LGALS12: variants seen among roughly 807,000 people sequenced by gnomAD.
The protein encoded by LGALS12 is galectin 12.
Under a neutral mutation model 36.8 loss-of-function variants are expected in LGALS12, and 36 were observed. The ratio of observed to expected loss-of-function variants is 0.98; its 90% confidence interval spans 0.75 to 1.29. LGALS12 has a LOEUF of 1.29. Ranked by LOEUF, LGALS12 falls within the 50% of genes most tolerant of loss-of-function variation. The pLI, the probability that LGALS12 is intolerant of heterozygous loss-of-function variation, is 0.00. For synonymous variants in LGALS12, 145 were observed against 155.9 expected, an observed-to-expected ratio of 0.93 and a Z score of 0.52; for missense variants, 366 against 394.3, an observed-to-expected ratio of 0.93 and a Z score of 0.61.
At chr11:63,511,717 A>G in intron 6 of LGALS12, 35 bp from the exon 7 acceptor site, 1 of 1,509,946 alleles carries the variant, frequency 6.6e-7, no homozygotes, top group South Asian at 1.1e-5. Flanking sequence ...GTCCCCCTGG[A>G]AGTCAACTTC....
At chr11:63,510,974 G>C (rs2016901142) in intron 5 of LGALS12, 105 bp from the exon 6 acceptor site, 1 of 1,182,800 alleles carries the variant, frequency 8.5e-7, no homozygotes, top group Non-Finnish European at 1.3e-6. Context: ...ACTGCTGTGA[G>C]AGAGACAAGC....
rs1210270832 is a variant in LGALS12 at position 63,511,241 on chromosome 11, G to A, written c.558+136G>A. ...TTATAGAAAACTGCAGGCTGTGGGTGGGCCAGGCAGCTTATGCCCCCAGCC... is the reference window on the plus strand; with the variant it reads ...TTATAGAAAACTGCAGGCTGTGGGTAGGCCAGGCAGCTTATGCCCCCAGCC... On this transcript the variant is annotated intron_variant, in intron 6 of 8. Transcript: ENST00000394618. The A allele has an allele frequency of 4.6e-6, 3 of 648,792 alleles. 1 individual carries two copies. Among genetic ancestry groups the A allele is most frequent in the Middle Eastern group, 6.9e-4 (2 of 2,910 alleles). The allele number at this position is 648,792 out of a possible 1,614,324, so 40.2% of individuals were successfully genotyped here.
intron 5 of LGALS12, 30 bp downstream of exon 5, chr11:63,510,531 G>A: frequency 6.2e-7 from 1 of 1,611,508 alleles, no homozygotes; most frequent in South Asian, 1.1e-5. Context: ...GGTCTGAGCA[G>A]CCACACCAGC....
intron 8 of LGALS12, among the ~76,000 whole-genome samples, chr11:63,515,975 C>G (rs1369483849): frequency 1.3e-5 from 2 of 152,158 alleles, no homozygotes; most frequent in Admixed American, 6.5e-5. Flanking sequence ...CCTAATGATT[C>G]CGACGTGCAG....
At chr11:63,510,581 C>T in intron 5 of LGALS12, 80 bp downstream of exon 5, 1 of 1,341,518 alleles carries the variant, frequency 7.5e-7, no homozygotes. Flanking sequence ...TTACACAAGG[C>T]CCAGCTGCCC....
At chr11:63,508,151 C>T in intron 1 of LGALS12, 1 of 1,054,654 alleles carries the variant, frequency 9.5e-7, no homozygotes, top group Non-Finnish European at 1.1e-6. Context: ...TTCTTCTTGC[C>T]TCCCAGTTCC....
chr11:63,508,793 C>T lies in LGALS12; in HGVS notation c.174C>T (p.Phe58=). 3 of 1,614,208 alleles carry T rather than the reference C, an allele frequency of 1.9e-6. No individual in the cohort carries two copies. The highest frequency in any genetic ancestry group is 2.5e-6 in the Non-Finnish European group (3 of 1,180,040). ...CTCCCAGTAGGTTTCAGGTGGACTT[C>T]CAGTGTGGCTGCAGCCTGTGTCCCC... ...PLDAHRFQVD[F]QCGCSLCPRP... is the part of the protein sequence containing the mutation. The change falls in exon 3 of 9, where the codon TTC becomes TTT. Residue 58 remains phenylalanine (F), a synonymous_variant. Coordinates refer to ENST00000394618, the MANE Select transcript of LGALS12 (RefSeq NM_033101.4).
chr11:63,509,131 C>G, intron 3 of LGALS12, 140 bp downstream of exon 3: 1 of 726,988 alleles, frequency 1.4e-6, no homozygotes, highest in Non-Finnish European at 2.3e-6. Flanking sequence ...GCTGCCATGC[C>G]CGGTTCCAGG....
intron 3 of LGALS12, among the ~76,000 whole-genome samples, chr11:63,509,388 C>A (rs1256331533): frequency 6.6e-6 from 1 of 152,226 alleles, no homozygotes; most frequent in Non-Finnish European, 1.5e-5. Flanking sequence ...AAGGTTTAGA[C>A]CCCTAATGTG....
rs1405487547 is a variant in LGALS12, at chr11:63,516,626, T to A, written c.*233T>A. On this transcript the variant is annotated 3_prime_UTR_variant, in exon 9 of 9. Coordinates refer to ENST00000394618, the MANE Select transcript of LGALS12 (RefSeq NM_033101.4). ...ACCAGGAGCCTGGGATATGGCTCCA[T>A]CTGCCTTCAGGGCCTGGACTGCACT... 1.7e-6 allele frequency: 1 copy of A among 576,906 alleles called. No homozygotes were observed. Among genetic ancestry groups the A allele is most frequent in the East Asian group, 3.0e-5 (1 of 33,008 alleles). 35.7% of individuals were successfully genotyped at this position (576,906 alleles called of 1,614,324 possible).
At position 63,514,873 on chromosome 11, in the gene LGALS12, C is replaced by CTT. The variant is rs370751949; in HGVS notation, c.648-680_648-679dup. Among the ~76,000 whole-genome samples the CTT allele has an allele frequency of 4.9e-5, 7 of 144,112 alleles. No homozygotes were observed. The East Asian group carries it at 8.0e-4, about 16-fold the overall frequency. 94.5% of individuals were successfully genotyped at this position (144,112 alleles called of 152,430 possible). On this transcript the variant is annotated intron_variant, in intron 7 of 8. Coordinates refer to ENST00000394618, the MANE Select transcript of LGALS12 (RefSeq NM_033101.4). ...TTCACATACATTATCTCCTTTGTTC[C>CTT]TTTTTTTTTTTGGCTCTATGAGGTA...
intron 7 of LGALS12, among the ~76,000 whole-genome samples, chr11:63,513,348 C>T (rs1435566398): frequency 1.3e-5 from 2 of 152,118 alleles, no homozygotes; most frequent in Non-Finnish European, 2.9e-5. Flanking sequence ...TCCCAAGGGC[C>T]ATGAATGCAT....
At position 63,516,357 on chromosome 11, in the gene LGALS12, CA is replaced by C; in HGVS notation, c.910del (p.Ser304ValfsTer42). On this transcript the variant is annotated frameshift_variant, in exon 9 of 9. Transcript: ENST00000394618. LOFTEE classifies it high-confidence loss of function. ...ALEQLRELRI[S>X]GSVQLYCVHS ...TGGAGCAGCTGCGGGAGCTCCGGAT[CA>C]GTGGAAGTGTCCAGCTCTACTGTGT... The C allele has an allele frequency of 6.2e-7, 1 of 1,613,964 alleles. No homozygotes were observed. Among genetic ancestry groups the C allele is most frequent in the Non-Finnish European group, 8.5e-7 (1 of 1,179,984 alleles).
At position 63,506,397 on chromosome 11, in the gene LGALS12, G is replaced by A. The variant is rs1299454314; in HGVS notation, c.-62G>A. 2.5e-6 allele frequency: 4 copies of A among 1,614,078 alleles called. No homozygotes were observed. In the African/African-American group the frequency reaches 4.0e-5, roughly 16 times the overall value. ...TTAGGACCCTGACTGGGGCAGATGA[G>A]TCAGCCCAGTGGGGGCAGGGCTCCT... is the stretch of plus-strand genomic sequence containing the variant. On this transcript the variant is annotated 5_prime_UTR_variant, in exon 1 of 9. Coordinates refer to ENST00000394618, the MANE Select transcript of LGALS12 (RefSeq NM_033101.4).
At chr11:63,509,128 T>C (rs968553747) in intron 3 of LGALS12, 137 bp downstream of exon 3, 9 of 734,656 alleles carry the variant, frequency 1.2e-5, no homozygotes, top group Non-Finnish European at 2.0e-5. Context: ...GGAGCTGCCA[T>C]GCCCGGTTCC....
In LGALS12 at chr11:63,508,834, T is replaced by C; in HGVS notation, c.215T>C (p.Phe72Ser). Residue 72 changes from phenylalanine (F) to serine (S), a missense_variant, in exon 3 of 9, where the codon TTC becomes TCC. By Grantham distance (155) the Phe-to-Ser change is radical. Coordinates refer to ENST00000394618, the MANE Select transcript of LGALS12 (RefSeq NM_033101.4). ...CTGTGTCCCCGGCCAGATATCGCCT[T>C]CCACTTCAACCCTCGCTTCCATACC... ...CSLCPRPDIA[F>S]HFNPRFHTTK... 1 of 1,614,182 alleles carries C rather than the reference T, an allele frequency of 6.2e-7. No homozygotes were observed. The highest frequency in any genetic ancestry group is 8.5e-7 in the Non-Finnish European group (1 of 1,180,028).
rs199594642 is a variant in LGALS12, at chr11:63,507,725, C to CTTTTT, written c.70-805_70-801dup. ...GTATTTTAGGAAGGCCAGGCAACTT[C>CTTTTT]TTTTTTTTTTTTTTTTTTTTTTTTT... On this transcript the variant is annotated intron_variant, in intron 1 of 8. Transcript: ENST00000394618. 4.1e-4 allele frequency among the ~76,000 whole-genome samples: 29 copies of CTTTTT among 69,916 alleles called. 4 individuals are homozygous for CTTTTT. The highest frequency in any genetic ancestry group is 6.6e-4 in the Non-Finnish European group (24 of 36,470). The allele number at this position is 69,916 out of a possible 152,430, so 45.9% of individuals were successfully genotyped here.
intron 4 of LGALS12, 126 bp from the exon 5 acceptor site, chr11:63,510,337 A>T: frequency 1.1e-6 from 1 of 895,446 alleles, no homozygotes; most frequent in Non-Finnish European, 1.8e-6. Flanking sequence ...GCAAGAAGCT[A>T]CCACTGACCA....
At position 63,509,912 on chromosome 11, in the gene LGALS12, G is replaced by A; in HGVS notation, c.492+15G>A. The A allele has an allele frequency of 6.2e-7, 1 of 1,612,650 alleles. No homozygotes were observed. Among genetic ancestry groups the A allele is most frequent in the South Asian group, 1.1e-5 (1 of 90,782 alleles). ...TGAACATCAATGTAAGTTTCCTTGG[G>A]ACCAAGGCCTGGGCAGTGGCAGCCT... On this transcript the variant is annotated intron_variant, in intron 4 of 8. Transcript: ENST00000394618.
Sources: allele counts gnomAD v4.1 joint callset (sites outside exome capture counted in the v4.1 genomes callset), GRCh38; gene constraint gnomAD v4.1.1; transcripts MANE v1.5; gene names NCBI Gene and HGNC (gene_info 2026-07-23, HGNC 2026-07-21).